Variants in TNRC6A observed in about 807,000 individuals in gnomAD.
The protein encoded by TNRC6A is trinucleotide repeat containing adaptor 6A.
TNRC6A carries 44 observed loss-of-function variants against 221.2 expected under a neutral mutation model. The observed-to-expected ratio is 0.20, with a 90% CI of 0.16 to 0.26. TNRC6A has a LOEUF of 0.26. Ranked by LOEUF, TNRC6A falls within the 10% of genes least tolerant of loss-of-function variation. The pLI is 1.00. For missense variants in TNRC6A, 2,199 were observed against 2,404.4 expected (o/e 0.91, Z 1.79); for synonymous variants, 847 against 838.5 (o/e 1.01, Z -0.18).
chr16:24,695,224 T>G (rs1024842611), intron 2 of TNRC6A, among the ~76,000 whole-genome samples: 1 of 152,002 alleles, frequency 6.6e-6, no homozygotes, highest in African/African-American at 2.4e-5. Context: ...AGCGAGCCAG[T>G]GGTGGGAAGG....
chr16:24,694,473 G>A (rs1256273385), intron 2 of TNRC6A, among the ~76,000 whole-genome samples: 1 of 151,992 alleles, frequency 6.6e-6, no homozygotes, highest in East Asian at 1.9e-4. Context: ...GGCTAACATG[G>A]TGAAACCCTG....
chr16:24,778,251 T>A (rs2057767964), intron 5 of TNRC6A: 6 of 983,266 alleles, frequency 6.1e-6, no homozygotes, highest in Non-Finnish European at 6.0e-6. Context: ...CTTTCCTAAC[T>A]GTGCCAGGTA....
At position 24,789,705 on chromosome 16, in the gene TNRC6A, G is replaced by A. The variant is rs1440247251; in HGVS notation, c.1063G>A (p.Gly355Arg). Residue 355 changes from glycine to arginine, a missense_variant, in exon 6 of 25, where the codon GGG becomes AGG. Transcript: ENST00000395799. ...CACTGTAAGTTCTTCATCAAATGGA[G>A]GGTTAAATCCAAGCACTTTGAATTC... ...WGTVSSSSNG[G>R]LNPSTLNSAS... The A allele has an allele frequency of 6.2e-7, 1 of 1,614,204 alleles. No individual in the cohort carries two copies. The highest frequency in any genetic ancestry group is 1.1e-5 in the South Asian group (1 of 91,080).
chr16:24,804,082 C>T, intron 11 of TNRC6A, 95 bp from the exon 12 acceptor site: 3 of 1,319,820 alleles, frequency 2.3e-6, no homozygotes, highest in Non-Finnish European at 3.1e-6. Context: ...GAAGTCATTT[C>T]AGTTTGGAAA....
chr16:24,818,454 C>G, intron 20 of TNRC6A, 139 bp from the exon 21 acceptor site: 1 of 671,882 alleles, frequency 1.5e-6, no homozygotes, highest in Non-Finnish European at 2.7e-6. Flanking sequence ...GAAGATGTCT[C>G]GGGCACCATC....
chr16:24,768,158 G>A (rs927365080), intron 4 of TNRC6A, among the ~76,000 whole-genome samples: 1 of 152,060 alleles, frequency 6.6e-6, no homozygotes, highest in African/African-American at 2.4e-5. Flanking sequence ...TGGGCCGGGC[G>A]CGGTGGCTCA....
intron 21 of TNRC6A, among the ~76,000 whole-genome samples, chr16:24,818,908 C>CTCTCA (rs1280016450): frequency 6.6e-6 from 1 of 151,728 alleles, no homozygotes; most frequent in Non-Finnish European, 1.5e-5. Context: ...CACTGAACAG[C>CTCTCA]TCTCATCTCA....
chr16:24,748,191 G>T (rs1046348383), intron 2 of TNRC6A, among the ~76,000 whole-genome samples: 4 of 151,946 alleles, frequency 2.6e-5, no homozygotes, highest in African/African-American at 9.7e-5. Flanking sequence ...ATGGTCATTT[G>T]CCCCCAGTTT....
chr16:24,790,305 G>A lies in TNRC6A; in HGVS notation c.1663G>A (p.Val555Ile), dbSNP rs148817055. The A allele has an allele frequency of 7.9e-5, 127 of 1,614,222 alleles. 1 individual carries two copies. In the South Asian group the frequency reaches 1.2e-3, roughly 15 times the overall value. Residue 555 changes from valine (V) to isoleucine (I), a missense_variant, in exon 6 of 25, where the codon GTA (valine) becomes ATA (isoleucine). Physicochemically the swap from Val to Ile is conservative, Grantham distance 29. Coordinates refer to ENST00000395799, the MANE Select transcript of TNRC6A (RefSeq NM_014494.4). ...GAATGCAACTCTAATGCAGCCTGGCGTAAATGGTCCTATGGGCACTAACTT... is the reference window on the plus strand; with the variant it reads ...GAATGCAACTCTAATGCAGCCTGGCATAAATGGTCCTATGGGCACTAACTT... ...TVNATLMQPGVNGPMGTNFQV... is the reference protein window; with the variant it reads ...TVNATLMQPGINGPMGTNFQV...
chr16:24,809,263 A>G (rs564693099), intron 17 of TNRC6A, 87 bp from the exon 18 acceptor site: 3 of 1,222,484 alleles, frequency 2.5e-6, no homozygotes, highest in Non-Finnish European at 3.3e-6. Flanking sequence ...CATTAGTTAC[A>G]TGTTTTTCTA....
intron 16 of TNRC6A, 116 bp downstream of exon 16, chr16:24,806,399 T>C: frequency 2.1e-6 from 3 of 1,407,052 alleles, no homozygotes; most frequent in South Asian, 2.6e-5. Flanking sequence ...TAAGATGTAA[T>C]GCAGTATGTT....
chr16:24,797,001 A>G (rs1428165309), intron 9 of TNRC6A, among the ~76,000 whole-genome samples: 1 of 152,208 alleles, frequency 6.6e-6, no homozygotes, highest in Non-Finnish European at 1.5e-5. Flanking sequence ...TTGAAATTTT[A>G]AAATACTTTT....
intron 5 of TNRC6A, among the ~76,000 whole-genome samples, chr16:24,786,132 C>G (rs1236075495): frequency 6.6e-6 from 1 of 152,122 alleles, no homozygotes; most frequent in Non-Finnish European, 1.5e-5. Context: ...TATATGATTT[C>G]TCATTTTGTT....
At chr16:24,686,288 C>G (rs1219225978) in intron 2 of TNRC6A, among the ~76,000 whole-genome samples, 1 of 152,084 alleles carries the variant, frequency 6.6e-6, no homozygotes, top group Non-Finnish European at 1.5e-5. Context: ...TCACGCGAGC[C>G]GAGAGGCCAG....
At chr16:24,698,553 T>A (rs1300380580) in intron 2 of TNRC6A, among the ~76,000 whole-genome samples, 1 of 152,128 alleles carries the variant, frequency 6.6e-6, no homozygotes, top group Admixed American at 6.5e-5. Flanking sequence ...TTTAGTCTCC[T>A]TGGCAGAGTT....
In TNRC6A at chr16:24,729,674, G is replaced by T; in HGVS notation, c.-168G>T. The T allele has an allele frequency of 1.4e-6, 1 of 727,212 alleles. No individual in the cohort carries two copies. Among genetic ancestry groups the T allele is most frequent in the African/African-American group, 2.1e-5 (1 of 48,304 alleles). The allele number at this position is 727,212 out of a possible 1,614,324, so 45.0% of individuals were successfully genotyped here. On this transcript the variant is annotated 5_prime_UTR_variant, in exon 1 of 25. Coordinates refer to ENST00000395799, the MANE Select transcript of TNRC6A (RefSeq NM_014494.4). ...TCACTTCCGGTCTGGGGCCTGCGGC[G>T]GCGGCGGTGTCGGCGGCGGCGGCGG...
chr16:24,762,555 C>G (rs1445221741), intron 4 of TNRC6A, among the ~76,000 whole-genome samples: 3 of 152,202 alleles, frequency 2.0e-5, no homozygotes, highest in East Asian at 3.9e-4. Context: ...TCTTTGGGAT[C>G]CAGAGCAGGG....
chr16:24,719,036 C>CAAA lies in TNRC6A; in HGVS notation n.403-31690_403-31689insAAA, dbSNP rs199982416. ...TGGGTGACAGAGCAAGACTCTGTCT[C>CAAA]CAAAAAAAAAAAAAGAAAAGAAAAA... On this transcript the variant is annotated intron_variant and non_coding_transcript_variant, in intron 2 of 2. Transcript: ENST00000566108. 1.5e-3 allele frequency among the ~76,000 whole-genome samples: 212 copies of CAAA among 140,834 alleles called. 1 individual carries two copies. The highest frequency in any genetic ancestry group is 5.2e-3 in the African/African-American group (193 of 37,200). 92.4% of individuals were successfully genotyped at this position (140,834 alleles called of 152,430 possible).
Position 24,694,610 on chromosome 16 carries a change from C to T in TNRC6A, n.402+53601C>T, listed in dbSNP as rs141087955. Among the ~76,000 whole-genome samples, 539 of 141,946 alleles carry T rather than the reference C, an allele frequency of 3.8e-3. 8 individuals are homozygous for T. Among genetic ancestry groups the T allele is most frequent in the Admixed American group, 0.023 (312 of 13,666 alleles). The allele number at this position is 141,946 out of a possible 152,430, so 93.1% of individuals were successfully genotyped here. On this transcript the variant is annotated intron_variant and non_coding_transcript_variant, in intron 2 of 2. Coordinates refer to the TNRC6A transcript ENST00000566108. Reference sequence around the variant, plus strand: ...GCAGGGTTGCAGTGAGCCGAGATCGCGCCACTGCACTCCAGCCTGGGTGAC... The same window carrying T: ...GCAGGGTTGCAGTGAGCCGAGATCGTGCCACTGCACTCCAGCCTGGGTGAC...
Sources: gnomAD v4.1 joint callset for allele counts (sites outside exome capture counted in the v4.1 genomes callset) on GRCh38, gnomAD v4.1.1 for gene constraint, MANE v1.5 for transcripts, NCBI Gene and HGNC (gene_info 2026-07-23, HGNC 2026-07-21) for gene names.